Variants in KCNQ5 observed in about 807,000 individuals in gnomAD.
KCNQ5 encodes potassium voltage-gated channel subfamily KQT member 5.
Under a neutral mutation model 98.2 loss-of-function variants are expected in KCNQ5, and 30 were observed. That is an observed-to-expected ratio of 0.31 (90% CI 0.23 to 0.41). The LOEUF is 0.41. Ranked by LOEUF, KCNQ5 falls within the 10% of genes least tolerant of loss-of-function variation. KCNQ5 has a pLI of 1.00. For synonymous variants in KCNQ5, 458 were observed against 449.4 expected, an observed-to-expected ratio of 1.02 and a Z score of -0.24; for missense variants, 835 against 1,182.5, an observed-to-expected ratio of 0.71 and a Z score of 4.31.
At chr6:72,882,316 G>GAGC (rs1213346295) in intron 1 of KCNQ5, among the ~76,000 whole-genome samples, 1 of 152,180 alleles carries the variant, frequency 6.6e-6, no homozygotes, top group Non-Finnish European at 1.5e-5. Flanking sequence ...TGTACAAAGA[G>GAGC]AGCATCATGT....
intron 10 of KCNQ5, among the ~76,000 whole-genome samples, chr6:73,142,793 G>A (rs1250820241): frequency 6.6e-6 from 1 of 152,088 alleles, no homozygotes; most frequent in African/African-American, 2.4e-5. Flanking sequence ...GCGGGCACCT[G>A]TAATCCCAGC....
At chr6:72,783,475 T>C (rs377705007) in intron 1 of KCNQ5, among the ~76,000 whole-genome samples, 5 of 152,172 alleles carry the variant, frequency 3.3e-5, no homozygotes, top group African/African-American at 1.2e-4. Flanking sequence ...ATGCAAGACA[T>C]ATTCAAGCAA....
At chr6:73,192,843 T>C (rs1332632868) in intron 13 of KCNQ5, 152 bp downstream of exon 13, 4 of 610,848 alleles carry the variant, frequency 6.5e-6, no homozygotes, top group Non-Finnish European at 9.9e-6. Context: ...GTGTAGACAG[T>C]GCTCTCTGAA....
chr6:73,001,991 GCCTGCGC>G (rs1769591749), intron 1 of KCNQ5, among the ~76,000 whole-genome samples: 2 of 68,920 alleles, frequency 2.9e-5, no homozygotes, highest in African/African-American at 1.2e-4. Flanking sequence ...AGGCCTGCTG[GCCTGCGC>G]CTATAGTCCC....
chr6:72,948,771 G>C (rs907628897), intron 1 of KCNQ5, among the ~76,000 whole-genome samples: 3 of 152,062 alleles, frequency 2.0e-5, no homozygotes. Context: ...GAAAGAGCTT[G>C]AATTTTATAA....
chr6:72,836,702 A>AT (rs1776520601), intron 1 of KCNQ5, among the ~76,000 whole-genome samples: 2 of 152,010 alleles, frequency 1.3e-5, no homozygotes, highest in African/African-American at 2.4e-5. Flanking sequence ...ACTTACATTC[A>AT]TTTTTTATGT....
chr6:73,060,502 A>G (rs1772728946), intron 3 of KCNQ5, among the ~76,000 whole-genome samples: 2 of 152,176 alleles, frequency 1.3e-5, no homozygotes, highest in Admixed American at 1.3e-4. Flanking sequence ...TGGAATCTGG[A>G]AAGATTTTCT....
At chr6:72,716,913 T>C (rs570463654) in intron 1 of KCNQ5, among the ~76,000 whole-genome samples, 6 of 152,326 alleles carry the variant, frequency 3.9e-5, no homozygotes, top group African/African-American at 1.2e-4. Flanking sequence ...ATGCATTTGA[T>C]CCACACAATG....
chr6:73,006,981 T>A (rs1164861460), intron 2 of KCNQ5, among the ~76,000 whole-genome samples: 1 of 152,164 alleles, frequency 6.6e-6, no homozygotes, highest in Non-Finnish European at 1.5e-5. Context: ...CACCTAATTG[T>A]TCCCTTGAGG....
chr6:72,814,188 G>C (rs955014288), intron 1 of KCNQ5, among the ~76,000 whole-genome samples: 21 of 152,212 alleles, frequency 1.4e-4, no homozygotes, highest in Non-Finnish European at 2.4e-4. Flanking sequence ...ACAAGGCGGT[G>C]GTCCTGTCCA....
chr6:72,943,464 G>A lies in KCNQ5; in HGVS notation c.399-60444G>A, dbSNP rs1487592072. ...TAATCAGGCAACTGGGTTAATAATA[G>A]CATATTTTTATTAATAACCTACAGA... On this transcript the variant is annotated intron_variant, in intron 1 of 13. Coordinates refer to ENST00000370398, the MANE Select transcript of KCNQ5 (RefSeq NM_019842.4). Among the ~76,000 whole-genome samples, 4 of 152,226 alleles carry A rather than the reference G, an allele frequency of 2.6e-5. No individual in the cohort carries two copies. In the East Asian group the frequency reaches 7.7e-4, roughly 29 times the overall value.
At chr6:72,824,633 A>G (rs1341718353) in intron 1 of KCNQ5, among the ~76,000 whole-genome samples, 1 of 152,120 alleles carries the variant, frequency 6.6e-6, no homozygotes, top group Non-Finnish European at 1.5e-5. Context: ...GAGAAAAATA[A>G]CCTCAGAAGA....
intron 1 of KCNQ5, among the ~76,000 whole-genome samples, chr6:72,684,807 T>G (rs1167583904): frequency 6.6e-6 from 1 of 152,170 alleles, no homozygotes; most frequent in South Asian, 2.1e-4. Flanking sequence ...TGCTGGCATA[T>G]GATAAAGAAT....
At chr6:72,869,263 G>C (rs1259490621) in intron 1 of KCNQ5, among the ~76,000 whole-genome samples, 1 of 152,192 alleles carries the variant, frequency 6.6e-6, no homozygotes, top group Non-Finnish European at 1.5e-5. Flanking sequence ...TGATGAGGCT[G>C]TCTCCCCAGT....
intron 1 of KCNQ5, among the ~76,000 whole-genome samples, chr6:72,787,289 T>C (rs558582525): frequency 1.3e-5 from 2 of 152,346 alleles, no homozygotes; most frequent in South Asian, 4.1e-4. Context: ...AACACAGCCA[T>C]ACTCATTCAT....
intron 7 of KCNQ5, among the ~76,000 whole-genome samples, chr6:73,117,977 T>C (rs561226258): frequency 6.6e-6 from 1 of 152,364 alleles, no homozygotes; most frequent in South Asian, 2.1e-4. Context: ...CAAGGAACTT[T>C]GGTTCAATCA....
intron 1 of KCNQ5, chr6:72,986,765 C>T: frequency 6.8e-7 from 1 of 1,479,844 alleles, no homozygotes; most frequent in East Asian, 2.3e-5. Flanking sequence ...AGACCCCAGA[C>T]AGGGTGAAGA....
Position 72,622,832 on chromosome 6 carries a change from C to T in KCNQ5, c.398+245C>T, listed in dbSNP as rs965310296. On this transcript the variant is annotated intron_variant, in intron 1 of 13. Coordinates refer to ENST00000370398, the MANE Select transcript of KCNQ5 (RefSeq NM_019842.4). The surrounding 1 kb of genome is among the most constrained non-coding windows in gnomAD (Gnocchi z 6.0). ...CAATGAACTGCCCGGTAGCTTCAGG[C>T]TCCCGGGGCGAGAGCCAGGCAGACG... Among the ~76,000 whole-genome samples, 3 of 152,178 alleles carry T rather than the reference C, an allele frequency of 2.0e-5. No individual in the cohort carries two copies. The highest frequency in any genetic ancestry group is 7.2e-5 in the African/African-American group (3 of 41,440).
chr6:72,826,757 C>T (rs1776019384), intron 1 of KCNQ5, among the ~76,000 whole-genome samples: 1 of 152,074 alleles, frequency 6.6e-6, no homozygotes, highest in Non-Finnish European at 1.5e-5. Flanking sequence ...CTATTTGAAA[C>T]AATATAATAC....
Sources: gnomAD v4.1 joint callset for allele counts (sites outside exome capture counted in the v4.1 genomes callset) on GRCh38, gnomAD v4.1.1 for gene constraint, Gnocchi (gnomAD v3.1) non-coding constraint, MANE v1.5 for transcripts, NCBI Gene and HGNC (gene_info 2026-07-23, HGNC 2026-07-21) for gene names.